The following CCDC102B variants were observed in gnomAD, a reference collection of about 807,000 sequenced individuals.
CCDC102B encodes the protein coiled-coil domain-containing protein 102B.
In CCDC102B, 75 loss-of-function variants were observed where a neutral mutation model predicts 57.4. The ratio of observed to expected loss-of-function variants is 1.31; its 90% CI spans 1.08 to 1.58. The LOEUF is 1.58. CCDC102B is among the 40% of genes most tolerant of loss of function. The pLI is 0.00. For synonymous variants in CCDC102B, 206 were observed against 201.9 expected (o/e 1.02, Z -0.17); for missense variants, 636 against 582.6 (o/e 1.09, Z -0.94).
intron 2 of CCDC102B, among the ~76,000 whole-genome samples, chr18:68,750,978 C>G (rs1315423347): frequency 4.0e-5 from 6 of 150,516 alleles, no homozygotes; most frequent in African/African-American, 1.2e-4. Context: ...AACAAAGAAA[C>G]AAAAAAAACT....
At chr18:68,867,434 C>T (rs1170271102) in intron 4 of CCDC102B, among the ~76,000 whole-genome samples, 6 of 152,162 alleles carry the variant, frequency 3.9e-5, no homozygotes, top group Non-Finnish European at 7.3e-5. Context: ...CTCCTTCTCC[C>T]TGAGACAGTG....
chr18:68,829,423 A>G (rs2037053323), intron 1 of CCDC102B, among the ~76,000 whole-genome samples: 2 of 152,004 alleles, frequency 1.3e-5, no homozygotes, highest in African/African-American at 2.4e-5. Flanking sequence ...GCCAAATTAG[A>G]TTATTAATGT....
chr18:69,027,062 CTAT>C (rs2145434276), intron 7 of CCDC102B, among the ~76,000 whole-genome samples: 1 of 152,290 alleles, frequency 6.6e-6, no homozygotes, highest in East Asian at 1.9e-4. Flanking sequence ...ACTTCTAGTG[CTAT>C]TATTTAGTAT....
chr18:68,862,973 C>G (rs945057501), intron 4 of CCDC102B, among the ~76,000 whole-genome samples: 1 of 151,864 alleles, frequency 6.6e-6, no homozygotes, highest in Admixed American at 6.6e-5. Context: ...CAGCATGTAT[C>G]TCAAAACATA....
At chr18:68,993,808 T>A (rs908396166) in intron 6 of CCDC102B, among the ~76,000 whole-genome samples, 4 of 152,200 alleles carry the variant, frequency 2.6e-5, no homozygotes, top group Non-Finnish European at 4.4e-5. Flanking sequence ...CGGGTTCTAT[T>A]TCAAGTAAAT....
intron 2 of CCDC102B, among the ~76,000 whole-genome samples, chr18:68,728,476 C>T (rs2032702927): frequency 1.3e-5 from 2 of 152,158 alleles, no homozygotes; most frequent in African/African-American, 4.8e-5. Flanking sequence ...TTAAATTCCT[C>T]ATGTCAAGGT....
intron 2 of CCDC102B, among the ~76,000 whole-genome samples, chr18:68,777,433 CA>C (rs754242471): frequency 3.9e-5 from 6 of 152,162 alleles, no homozygotes; most frequent in Non-Finnish European, 8.8e-5. Flanking sequence ...CAATTTTAGG[CA>C]AATACCTTCA....
At chr18:68,805,876 TATAA>T (rs1485904904) in intron 1 of CCDC102B, among the ~76,000 whole-genome samples, 1 of 152,216 alleles carries the variant, frequency 6.6e-6, no homozygotes, top group African/African-American at 2.4e-5. Flanking sequence ...GGTTTCATTA[TATAA>T]ATGTTAATAC....
intron 6 of CCDC102B, among the ~76,000 whole-genome samples, chr18:68,962,628 C>A (rs2050073288): frequency 6.6e-6 from 1 of 151,416 alleles, no homozygotes. Context: ...TAGTAGCAAC[C>A]AAGAAAAGCA....
At chr18:68,754,720 T>G (rs1430399376) in intron 2 of CCDC102B, 2 of 152,158 alleles carry the variant, frequency 1.3e-5, no homozygotes, top group African/African-American at 4.8e-5. Flanking sequence ...TGAATGTGTC[T>G]CCTCAAATTC....
chr18:68,751,610 G>C (rs1568232023), intron 2 of CCDC102B, among the ~76,000 whole-genome samples: 1 of 152,128 alleles, frequency 6.6e-6, no homozygotes, highest in Non-Finnish European at 1.5e-5. Flanking sequence ...TTGTACATCA[G>C]GTGACCCAAA....
chr18:68,945,771 C>G (rs1279319132), intron 6 of CCDC102B, among the ~76,000 whole-genome samples: 1 of 152,052 alleles, frequency 6.6e-6, no homozygotes, highest in African/African-American at 2.4e-5. Context: ...CCTTAAAGAA[C>G]TGTCCTTTTT....
At chr18:68,907,925 T>C (rs1419135989) in intron 6 of CCDC102B, 2 of 152,196 alleles carry the variant, frequency 1.3e-5, no homozygotes, top group Admixed American at 6.5e-5. Context: ...TGCAGGTGTT[T>C]CATATGTCAT....
chr18:69,017,995 CTGTG>C (rs61238979), intron 7 of CCDC102B, among the ~76,000 whole-genome samples: 6 of 149,504 alleles, frequency 4.0e-5, no homozygotes, highest in East Asian at 2.0e-4. Context: ...CTAAATATTT[CTGTG>C]TGTGTGTGTG....
intron 2 of CCDC102B, among the ~76,000 whole-genome samples, chr18:68,779,338 T>C (rs1262064873): frequency 1.3e-5 from 2 of 152,128 alleles, no homozygotes; most frequent in Non-Finnish European, 2.9e-5. Flanking sequence ...TTATATTTTT[T>C]CCTTGTACCA....
At chr18:68,722,839 C>T (rs759799596) in intron 2 of CCDC102B, among the ~76,000 whole-genome samples, 3 of 151,730 alleles carry the variant, frequency 2.0e-5, no homozygotes, top group Non-Finnish European at 1.5e-5. Flanking sequence ...TTCTCATGAG[C>T]CTCCAGCACC....
At chr18:68,727,228 G>A (rs915685817) in intron 2 of CCDC102B, among the ~76,000 whole-genome samples, 11 of 152,150 alleles carry the variant, frequency 7.2e-5, no homozygotes, top group Middle Eastern at 3.2e-3. Flanking sequence ...TCAGTCACCT[G>A]CATTCATACT....
intron 3 of CCDC102B, among the ~76,000 whole-genome samples, chr18:68,844,742 A>G (rs1485720826): frequency 6.6e-6 from 1 of 151,836 alleles, no homozygotes; most frequent in Non-Finnish European, 1.5e-5. Flanking sequence ...TTATTTCTCT[A>G]TTTAATTATT....
rs142068021 is a variant in CCDC102B at position 68,875,338 on chromosome 18, G to A, written c.1053+553G>A. ...GTGTTTTTTACTGTTCTGTAGGTAA[G>A]AACAGAATTATTGTCCTTGTAGAAA... On this transcript the variant is annotated intron_variant, in intron 5 of 7. Transcript: ENST00000360242. Among the ~76,000 whole-genome samples, 337 of 152,246 alleles carry A rather than the reference G, an allele frequency of 2.2e-3. 1 individual carries two copies. The highest frequency in any genetic ancestry group is 7.0e-3 in the African/African-American group (292 of 41,554).
Sources: gnomAD v4.1 joint callset for allele counts (sites outside exome capture counted in the v4.1 genomes callset) on GRCh38, gnomAD v4.1.1 for gene constraint, MANE v1.5 for transcripts, NCBI Gene and HGNC (gene_info 2026-07-23, HGNC 2026-07-21) for gene names.